Variants in NEBL observed in about 807,000 individuals in gnomAD.
NEBL encodes the protein LIM and SH3 protein 2.
Under a neutral mutation model 140.2 loss-of-function variants are expected in NEBL, and 122 were observed. That is an observed-to-expected ratio of 0.87 (90% CI 0.75 to 1.01). The LOEUF is 1.01. Among genes scored for constraint, NEBL ranks in the 50% least tolerant of loss-of-function variants. The pLI is 0.00. For synonymous variants in NEBL, 436 were observed against 398.9 expected, an observed-to-expected ratio of 1.09 and a Z score of -1.11; for missense variants, 1,365 against 1,231.3, an observed-to-expected ratio of 1.11 and a Z score of -1.62.
intron 4 of NEBL, among the ~76,000 whole-genome samples, chr10:20,903,866 A>G (rs146141362): frequency 8.0e-6 from 1 of 125,702 alleles, no homozygotes; most frequent in Non-Finnish European, 1.6e-5. Flanking sequence ...ATGGAGACTC[A>G]GAAGGGAGAA....
chr10:20,868,851 A>G (rs986035620), intron 6 of NEBL, 86 bp from the exon 7 acceptor site: 11 of 863,454 alleles, frequency 1.3e-5, no homozygotes, highest in Non-Finnish European at 2.1e-5. Context: ...AAAAAAAATA[A>G]CAGACCTTCA....
At chr10:21,257,509 C>T (rs1842673549) in intron 1 of NEBL, among the ~76,000 whole-genome samples, 1 of 152,206 alleles carries the variant, frequency 6.6e-6, no homozygotes, top group South Asian at 2.1e-4. Flanking sequence ...TCCTCACCTC[C>T]ATTGCTGTAG....
intron 1 of NEBL, among the ~76,000 whole-genome samples, chr10:21,284,892 G>A (rs1477498728): frequency 6.6e-6 from 1 of 152,104 alleles, no homozygotes. Context: ...AACTGATTGT[G>A]CATTTTGTAT....
In NEBL at chr10:20,869,817, CCTGCACGT is replaced by C; in HGVS notation, c.497_504del (p.Asp166GlyfsTer10). 1 of 1,612,778 alleles carries C rather than the reference CCTGCACGT, an allele frequency of 6.2e-7. No homozygotes were observed. The highest frequency in any genetic ancestry group is 1.1e-5 in the South Asian group (1 of 91,060). ...AGTTCTGCACTGTACGTGTGGGTGT[CCTGCACGT>C]CTTTCCTATAAGAAATCTGATCAGA... On this transcript the variant is annotated frameshift_variant, in exon 6 of 28. Transcript: ENST00000377122. LOFTEE classifies it high-confidence loss of function.
intron 26 of NEBL, among the ~76,000 whole-genome samples, chr10:20,790,554 T>C (rs1249645266): frequency 6.7e-6 from 1 of 148,488 alleles, no homozygotes; most frequent in Non-Finnish European, 1.5e-5. Context: ...TGAACCGAGA[T>C]CATGCCACTG....
At chr10:21,143,555 A>C (rs1839749055) in intron 2 of NEBL, among the ~76,000 whole-genome samples, 1 of 152,194 alleles carries the variant, frequency 6.6e-6, no homozygotes, top group African/African-American at 2.4e-5. Context: ...CAAGGTAAGA[A>C]ATCCTAAGGT....
chr10:21,026,273 A>C (rs1467295633), intron 2 of NEBL, among the ~76,000 whole-genome samples: 1 of 152,176 alleles, frequency 6.6e-6, no homozygotes, highest in Non-Finnish European at 1.5e-5. Context: ...AGGGGAAAAT[A>C]CTACTGACAT....
chr10:20,802,419 AG>A (rs1305706007), intron 26 of NEBL, among the ~76,000 whole-genome samples: 2 of 152,134 alleles, frequency 1.3e-5, no homozygotes, highest in Non-Finnish European at 2.9e-5. Context: ...AATTGGGTAG[AG>A]GTTAAATAAA....
At chr10:21,280,183 C>G (rs972222964) in intron 1 of NEBL, among the ~76,000 whole-genome samples, 8 of 152,046 alleles carry the variant, frequency 5.3e-5, no homozygotes, top group African/African-American at 1.7e-4. Context: ...CGTGATGCCC[C>G]TATAGCAAAA....
intron 1 of NEBL, among the ~76,000 whole-genome samples, chr10:21,277,538 T>C (rs1842940318): frequency 6.6e-6 from 1 of 152,150 alleles, no homozygotes; most frequent in East Asian, 1.9e-4. Flanking sequence ...GGCTTCAGTT[T>C]CCACATTGGT....
At chr10:21,130,409 T>A (rs1345634386) in intron 2 of NEBL, among the ~76,000 whole-genome samples, 1 of 152,100 alleles carries the variant, frequency 6.6e-6, no homozygotes, top group African/African-American at 2.4e-5. Flanking sequence ...AGCATATCAT[T>A]GACATGTATA....
chr10:21,128,918 G>A lies in NEBL; in HGVS notation c.164+43465C>T, dbSNP rs561893291. Among the ~76,000 whole-genome samples the A allele has an allele frequency of 2.6e-4, 40 of 152,244 alleles. No homozygotes were observed. In the South Asian group the frequency reaches 3.9e-3, roughly 15 times the overall value. On this transcript the variant is annotated intron_variant, in intron 2 of 6. Transcript: ENST00000417816. Reference sequence around the variant, plus strand: ...GCTGTCAGTGGGCTAAGTAAGAGCCGAATATCATATAAGCCACATGCATAT... The same window carrying A: ...GCTGTCAGTGGGCTAAGTAAGAGCCAAATATCATATAAGCCACATGCATAT...
chr10:21,223,373 T>C (rs1488693065), intron 3 of NEBL, among the ~76,000 whole-genome samples: 1 of 152,226 alleles, frequency 6.6e-6, no homozygotes, highest in Non-Finnish European at 1.5e-5. Flanking sequence ...TTACAAATGA[T>C]AGGATCACAT....
chr10:21,205,092 G>C (rs779137450), intron 3 of NEBL, among the ~76,000 whole-genome samples: 4 of 152,112 alleles, frequency 2.6e-5, no homozygotes, highest in Non-Finnish European at 5.9e-5. Flanking sequence ...GTTGCATCTA[G>C]GCATGAAAAC....
chr10:20,878,350 A>G (rs1240878831), intron 5 of NEBL, among the ~76,000 whole-genome samples: 1 of 152,270 alleles, frequency 6.6e-6, no homozygotes, highest in Non-Finnish European at 1.5e-5. Flanking sequence ...AGATACACAT[A>G]TAATGACACA....
At chr10:20,935,427 A>C (rs1201647474) in intron 4 of NEBL, among the ~76,000 whole-genome samples, 1 of 152,244 alleles carries the variant, frequency 6.6e-6, no homozygotes, top group African/African-American at 2.4e-5. Flanking sequence ...ACTAAGCACC[A>C]CATGGAAGAA....
chr10:20,855,379 G>A lies in NEBL; in HGVS notation c.904-2730C>T, dbSNP rs114289069. ...ACAAGCTACAACATAGTCCATTACT[G>A]AGTTAAAATCCACAACAAATACATA... On this transcript the variant is annotated intron_variant, in intron 9 of 27. Transcript: ENST00000377122. Among the ~76,000 whole-genome samples the A allele has an allele frequency of 3.1e-3, 473 of 151,510 alleles. 3 individuals carry two copies. Among genetic ancestry groups the A allele is most frequent in the African/African-American group, 0.011 (462 of 41,310 alleles).
At chr10:21,142,377 C>A (rs1420386790) in intron 2 of NEBL, among the ~76,000 whole-genome samples, 1 of 152,098 alleles carries the variant, frequency 6.6e-6, no homozygotes, top group Non-Finnish European at 1.5e-5. Context: ...CAGGACACCA[C>A]CCCAGAAGTT....
intron 12 of NEBL, among the ~76,000 whole-genome samples, chr10:20,844,527 CT>C (rs1841722480): frequency 6.8e-6 from 1 of 147,132 alleles, no homozygotes; most frequent in Non-Finnish European, 1.5e-5. Flanking sequence ...AAAAAAAAAG[CT>C]TTTAAAGGTG....
Sources: allele counts gnomAD v4.1 joint callset (sites outside exome capture counted in the v4.1 genomes callset), GRCh38; gene constraint gnomAD v4.1.1; transcripts MANE v1.5; gene names NCBI Gene and HGNC (gene_info 2026-07-23, HGNC 2026-07-21).